Variants in TNFRSF8 observed in about 807,000 individuals in gnomAD.
The protein encoded by TNFRSF8 is TNF receptor superfamily member 8.
A neutral mutation model predicts 70.8 loss-of-function variants in TNFRSF8; 26 were observed. The observed-to-expected ratio is 0.37, with a 90% CI of 0.27 to 0.51. The LOEUF is 0.51. Among genes scored for constraint, TNFRSF8 ranks in the 20% least tolerant of loss-of-function variants. The pLI is 0.94. For synonymous variants in TNFRSF8, 356 were observed against 339.2 expected (o/e 1.05, Z -0.54); for missense variants, 720 against 807.9 (o/e 0.89, Z 1.32).
Position 12,072,399 on chromosome 1 carries a change from C to G in TNFRSF8, c.63+8738C>G, listed in dbSNP as rs147023996. Among the ~76,000 whole-genome samples, 3 of 152,214 alleles carry G rather than the reference C, an allele frequency of 2.0e-5. 1 individual carries two copies. Among genetic ancestry groups the G allele is most frequent in the African/African-American group, 4.8e-5 (2 of 41,540 alleles). ...TGCGTAGGGGACTGTCTGGGGCCTG[C>G]GGGAGTCCAGAGGAGCCCATCTTTA... On this transcript the variant is annotated intron_variant, in intron 1 of 14. Transcript: ENST00000263932.
At chr1:12,107,092 C>T (rs1333946320) in intron 4 of TNFRSF8, among the ~76,000 whole-genome samples, 2 of 152,202 alleles carry the variant, frequency 1.3e-5, no homozygotes, top group African/African-American at 2.4e-5. Flanking sequence ...CACGTGGCCA[C>T]GCACTTAAAA....
rs1032963755 is a variant in TNFRSF8, at chr1:12,112,314, G to A, written c.793+300G>A. 2.6e-5 allele frequency among the ~76,000 whole-genome samples: 4 copies of A among 152,120 alleles called. No homozygotes were observed. Among genetic ancestry groups the A allele is most frequent in the Non-Finnish European group, 5.9e-5 (4 of 68,024 alleles). ...AGGGAACTTCCAAGGGCTGTGGGCT[G>A]GAGTTTGAACCCAGACAGGTGCCAC... On this transcript the variant is annotated intron_variant, in intron 7 of 14. Coordinates refer to ENST00000263932, the MANE Select transcript of TNFRSF8 (RefSeq NM_001243.5). This position sits in a 1 kb window ranked among gnomAD's most constrained non-coding sequence, Gnocchi z 5.3.
chr1:12,084,992 GA>G (rs1557579725), intron 2 of TNFRSF8, among the ~76,000 whole-genome samples: 3 of 152,228 alleles, frequency 2.0e-5, no homozygotes, highest in Admixed American at 2.0e-4. Context: ...ATGGTGGAAT[GA>G]TCAGGGCTGG....
Position 12,109,662 on chromosome 1 carries a change from T to C in TNFRSF8, c.512+6T>C. 1 of 1,612,108 alleles carries C rather than the reference T, an allele frequency of 6.2e-7. No individual in the cohort carries two copies. Among genetic ancestry groups the C allele is most frequent in the Non-Finnish European group, 8.5e-7 (1 of 1,178,754 alleles). On this transcript the variant is annotated splice_donor_region_variant and intron_variant, in intron 5 of 14. Coordinates refer to ENST00000263932, the MANE Select transcript of TNFRSF8 (RefSeq NM_001243.5). The surrounding 1 kb of genome is among the most constrained non-coding windows in gnomAD (Gnocchi z 4.4). ...AACTGCAAGGAACCCTCCAGGTGAC[T>C]CCCTGGCTTTGCCTCCTCCTCTTCC...
At chr1:12,078,489 G>A (rs1000712876) in intron 1 of TNFRSF8, among the ~76,000 whole-genome samples, 57 of 152,150 alleles carry the variant, frequency 3.7e-4, no homozygotes, top group African/African-American at 1.3e-3. Context: ...GCTTGAACGC[G>A]AGAGGTAGAG....
rs1641348693 is a variant in TNFRSF8 at position 12,097,309 on chromosome 1, C to T, written c.268+92C>T. The stretch of plus-strand genomic sequence containing the variant: ...GAAGAATCTGGAAGGTGGAGAGCAT[C>T]ATGATTTGATGTCTGTTCTCTGAAT... On this transcript the variant is annotated intron_variant, in intron 3 of 14. Coordinates refer to ENST00000263932, the MANE Select transcript of TNFRSF8 (RefSeq NM_001243.5). 6.6e-6 allele frequency: 6 copies of T among 904,086 alleles called. No homozygotes were observed. The East Asian group carries it at 1.5e-4, about 23-fold the overall frequency. 56.0% of individuals were successfully genotyped at this position (904,086 alleles called of 1,614,324 possible). A position where few individuals can be genotyped will look rare whatever the true frequency, so the allele number is the denominator to read the frequency against.
At position 12,138,693 on chromosome 1, in the gene TNFRSF8, C is replaced by T. The variant is rs999899321; in HGVS notation, c.1543+257C>T. ...TTACTCATAAAAAACGAACACCACC[C>T]CAGCCCCCAACACCGAGCACCCGAG... On this transcript the variant is annotated intron_variant, in intron 14 of 14. Transcript: ENST00000263932. The surrounding 1 kb of genome is among the most constrained non-coding windows in gnomAD (Gnocchi z 5.7). 2.0e-5 allele frequency among the ~76,000 whole-genome samples: 3 copies of T among 152,300 alleles called. No individual in the cohort carries two copies. The highest frequency in any genetic ancestry group is 3.9e-4 in the East Asian group (2 of 5,176).
chr1:12,094,838 C>G (rs754260741), intron 2 of TNFRSF8, among the ~76,000 whole-genome samples: 6 of 151,916 alleles, frequency 3.9e-5, no homozygotes, highest in African/African-American at 1.5e-4. Flanking sequence ...GTTGGCCAGG[C>G]TGGTCTTGAA....
rs990224550 is a variant in TNFRSF8 at position 12,119,974 on chromosome 1, C to A, written c.947-3310C>A. Among the ~76,000 whole-genome samples the A allele has an allele frequency of 6.6e-6, 1 of 152,172 alleles. No homozygotes were observed. The highest frequency in any genetic ancestry group is 1.5e-5 in the Non-Finnish European group (1 of 68,028). Reference sequence around the variant, plus strand: ...GAAGCTAGAACCAGAATGCAGGGATCCCAAGGGTCAGCCCAGAGTACTTCC... The same window carrying A: ...GAAGCTAGAACCAGAATGCAGGGATACCAAGGGTCAGCCCAGAGTACTTCC... On this transcript the variant is annotated intron_variant, in intron 8 of 14. Coordinates refer to ENST00000263932, the MANE Select transcript of TNFRSF8 (RefSeq NM_001243.5). This position sits in a 1 kb window ranked among gnomAD's most constrained non-coding sequence, Gnocchi z 4.4.
intron 2 of TNFRSF8, among the ~76,000 whole-genome samples, chr1:12,092,743 C>T (rs1220742770): frequency 7.9e-5 from 12 of 151,956 alleles, no homozygotes; most frequent in Non-Finnish European, 1.5e-4. Context: ...CTCCTGACCT[C>T]GTGATCCGCC....
At position 12,088,412 on chromosome 1, in the gene TNFRSF8, TA is replaced by T. The variant is rs1264539352; in HGVS notation, c.151+3862del. Among the ~76,000 whole-genome samples, 10 of 152,238 alleles carry T rather than the reference TA, an allele frequency of 6.6e-5. No individual in the cohort carries two copies. The highest frequency in any genetic ancestry group is 5.9e-5 in the Non-Finnish European group (4 of 68,018). ...AGGAATTTGCACAAGGCCACATGCG[TA>T]TCAGTGGCTCAGCCGGGCCGTGAAC... On this transcript the variant is annotated intron_variant, in intron 2 of 14. Coordinates refer to ENST00000263932, the MANE Select transcript of TNFRSF8 (RefSeq NM_001243.5). The surrounding 1 kb of genome is among the most constrained non-coding windows in gnomAD (Gnocchi z 4.0).
Position 12,110,351 on chromosome 1 carries a change from G to A in TNFRSF8, c.676+147G>A, listed in dbSNP as rs1641608120. ...AGACGGTGGTAAGGTATGATCTAGG[G>A]CTGAAAGCATTGAGGGGCAGAGGTA... On this transcript the variant is annotated intron_variant, in intron 6 of 14. Transcript: ENST00000263932. This position sits in a 1 kb window ranked among gnomAD's most constrained non-coding sequence, Gnocchi z 4.0. 1 of 865,308 alleles carries A rather than the reference G, an allele frequency of 1.2e-6. No homozygotes were observed. 53.6% of individuals were successfully genotyped at this position (865,308 alleles called of 1,614,324 possible). A position where few individuals can be genotyped will look rare whatever the true frequency, so the allele number is the denominator to read the frequency against.
intron 1 of TNFRSF8, among the ~76,000 whole-genome samples, chr1:12,065,497 C>T (rs772249466): frequency 2.0e-5 from 3 of 152,118 alleles, no homozygotes; most frequent in Non-Finnish European, 2.9e-5. Context: ...CTTTTGACAC[C>T]GCCTCATCCT....
chr1:12,129,328 A>G (rs749974702), intron 12 of TNFRSF8, among the ~76,000 whole-genome samples: 2 of 152,184 alleles, frequency 1.3e-5, no homozygotes, highest in Non-Finnish European at 2.9e-5. Context: ...CTCACCCCGA[A>G]AACTTCAGTG....
At position 12,097,113 on chromosome 1, in the gene TNFRSF8, C is replaced by T. The variant is rs1641344414; in HGVS notation, c.164C>T (p.Thr55Ile). ...TTTCTTTTCCCAGGGCTGTTCCCGA[C>T]ACAGCAGTGCCCACAGAGGCCTACT... ...CYRCPMGLFP[T>I]QQCPQRPTDC... The change falls in exon 3 of 15, where the codon ACA (threonine) becomes ATA (isoleucine). Residue 55 changes from threonine to isoleucine, a missense_variant. Transcript: ENST00000263932. 1.2e-6 allele frequency: 2 copies of T among 1,613,698 alleles called. No homozygotes were observed. Among genetic ancestry groups the T allele is most frequent in the East Asian group, 2.2e-5 (1 of 44,890 alleles).
intron 4 of TNFRSF8, among the ~76,000 whole-genome samples, chr1:12,107,901 G>A (rs544228396): frequency 6.6e-6 from 1 of 152,194 alleles, no homozygotes; most frequent in South Asian, 2.1e-4. Context: ...CATTTTCCAG[G>A]TGTGGAAATC....
chr1:12,080,407 G>A, intron 1 of TNFRSF8: 1 of 526,300 alleles, frequency 1.9e-6, no homozygotes, highest in South Asian at 1.4e-5. Flanking sequence ...GGTACTTGTT[G>A]GCTTTAACAT....
intron 1 of TNFRSF8, chr1:12,078,107 C>A (rs959862860): frequency 6.6e-6 from 1 of 152,092 alleles, no homozygotes. Flanking sequence ...GTGAGCTGGG[C>A]GTGGTGGATG....
At chr1:12,135,666 C>T (rs1440315217) in intron 13 of TNFRSF8, 53 bp downstream of exon 13, 3 of 1,606,916 alleles carry the variant, frequency 1.9e-6, no homozygotes, top group South Asian at 2.2e-5. Flanking sequence ...AAATCTGACT[C>T]CTTCCCTAAC....
Sources: gnomAD v4.1 joint callset for allele counts (sites outside exome capture counted in the v4.1 genomes callset) on GRCh38, gnomAD v4.1.1 for gene constraint, Gnocchi (gnomAD v3.1) non-coding constraint, MANE v1.5 for transcripts, NCBI Gene and HGNC (gene_info 2026-07-23, HGNC 2026-07-21) for gene names.